ARL17A: variants seen among roughly 807,000 people sequenced by gnomAD.
ARL17A encodes the protein ADP-ribosylation factor-like 17-like.
chr17:46,541,615 C>G (rs573277940), intron 3 of ARL17A, among the ~76,000 whole-genome samples: 1 of 150,794 alleles, frequency 6.6e-6, no homozygotes, highest in Non-Finnish European at 1.5e-5. Context: ...ATCACTACAG[C>G]TGGCCCTCCA....
chr17:46,544,269 G>C (rs149817251), intron 3 of ARL17A, among the ~76,000 whole-genome samples: 1,651 of 8,554 alleles, frequency 0.19, no homozygotes, highest in Middle Eastern at 0.33. Context: ...TCCTTTATAG[G>C]TTTGAAAGAT....
At chr17:46,524,277 CA>C (rs1227402626), downstream of ARL17A, among the ~76,000 whole-genome samples, 1 of 1,412 alleles carries the variant, frequency 7.1e-4, no homozygotes, top group Non-Finnish European at 2.3e-3. Context: ...ACTATAAATA[CA>C]AAAAAAAAAT....
At chr17:46,548,657 G>A (rs1347750023), downstream of ARL17A, 6 of 1,606,094 alleles carry the variant, frequency 3.7e-6, no homozygotes, top group African/African-American at 4.3e-5. Flanking sequence ...GGCCCAAGGA[G>A]CATCCAGAAA....
chr17:46,534,799 G>A lies in ARL17A; in HGVS notation c.335+3552C>T, dbSNP rs1315653395. 2.4e-4 allele frequency among the ~76,000 whole-genome samples: 36 copies of A among 147,676 alleles called. 3 individuals carry two copies. The highest frequency in any genetic ancestry group is 7.9e-4 in the East Asian group (4 of 5,082). ...GGGCAGAGGCGCCCCCCCACCTCCC[G>A]GAGGGGGCGGCTGGCCAGGCGGGGG... On this transcript the variant is annotated intron_variant, in intron 4 of 4. Coordinates refer to the ARL17A transcript ENST00000329240.
downstream of ARL17A, among the ~76,000 whole-genome samples, chr17:46,525,605 A>T (rs1346919921): frequency 3.9e-4 from 46 of 116,734 alleles, 3 homozygotes; most frequent in South Asian, 3.7e-3. Flanking sequence ...ATAATAATAT[A>T]ATAATAATAA....
chr17:46,534,803 G>A (rs1341319018), intron 4 of ARL17A, among the ~76,000 whole-genome samples: 1 of 147,806 alleles, frequency 6.8e-6, no homozygotes, highest in Non-Finnish European at 1.5e-5. Context: ...CCTCCCGGAG[G>A]GGGCGGCTGG....
chr17:46,502,914 T>G, the ARL17A span, among the ~76,000 whole-genome samples: 1 of 150,696 alleles, frequency 6.6e-6, no homozygotes, highest in African/African-American at 2.5e-5. Flanking sequence ...ACTCAACGTT[T>G]AAAAATTAGT....
At chr17:46,545,745 G>A (rs1349344537) in intron 3 of ARL17A, among the ~76,000 whole-genome samples, 2 of 139,216 alleles carry the variant, frequency 1.4e-5, no homozygotes, top group East Asian at 4.1e-4. Context: ...GTAACTTATT[G>A]TTGTTATTCT....
At chr17:46,521,111 T>C (rs1433733068) in intron 3 of ARL17A, among the ~76,000 whole-genome samples, 1 of 76,094 alleles carries the variant, frequency 1.3e-5, no homozygotes, top group African/African-American at 4.0e-5. Flanking sequence ...TCTTCACTAA[T>C]TACAAAATAA....
chr17:46,505,363 A>AT, the ARL17A span, among the ~76,000 whole-genome samples: 2 of 118,204 alleles, frequency 1.7e-5, 1 homozygote, highest in Admixed American at 1.7e-4. Flanking sequence ...GTCTACAGCC[A>AT]TACCACCCTG....
chr17:46,516,114 C>T (rs1366136016), downstream of ARL17A, among the ~76,000 whole-genome samples: 1 of 146,422 alleles, frequency 6.8e-6, no homozygotes, highest in African/African-American at 2.6e-5. Flanking sequence ...TCCTGGCTAA[C>T]ATGGTGAAAC....
At chr17:46,534,638 C>T (rs528820301) in intron 4 of ARL17A, among the ~76,000 whole-genome samples, 16 of 148,614 alleles carry the variant, frequency 1.1e-4, no homozygotes, top group African/African-American at 3.4e-4. Context: ...TGTATCTTTT[C>T]CCCACATTTC....
At chr17:46,558,936 T>C (rs1250967178) in intron 3 of ARL17A, 1 of 104,952 alleles carries the variant, frequency 9.5e-6, no homozygotes, top group Non-Finnish European at 1.8e-5. Context: ...CCTTGGTCTC[T>C]CAACGTACTG....
At chr17:46,573,022 G>A (rs1468341707) in intron 2 of ARL17A, among the ~76,000 whole-genome samples, 2 of 117,516 alleles carry the variant, frequency 1.7e-5, no homozygotes, top group East Asian at 4.8e-4. Context: ...AGGAAGGGAG[G>A]AAAGGAAAAG....
intron 3 of ARL17A, among the ~76,000 whole-genome samples, chr17:46,545,721 A>AT (rs1329849425): frequency 1.6e-5 from 2 of 126,870 alleles, no homozygotes; most frequent in Non-Finnish European, 3.2e-5. Context: ...ATTCTTCTTT[A>AT]TATTAAATAT....
intron 3 of ARL17A, among the ~76,000 whole-genome samples, chr17:46,568,960 T>G (rs2057613567): frequency 1.1e-5 from 1 of 89,444 alleles, no homozygotes; most frequent in South Asian, 3.7e-4. Flanking sequence ...TTTTTTTTTT[T>G]GAGATGGAGT....
chr17:46,543,345 G>A (rs1159970291), intron 3 of ARL17A, among the ~76,000 whole-genome samples: 1 of 150,664 alleles, frequency 6.6e-6, no homozygotes, highest in Non-Finnish European at 1.5e-5. Context: ...CAGTCTCAAA[G>A]ATTTGTCAGT....
At chr17:46,550,854 G>C (rs2056716533), downstream of ARL17A, among the ~76,000 whole-genome samples, 1 of 134,696 alleles carries the variant, frequency 7.4e-6, no homozygotes, top group African/African-American at 3.1e-5. Context: ...TTATTTCCTT[G>C]TTGCTGAAAT....
downstream of ARL17A, chr17:46,550,419 A>C (rs752059933): frequency 1.3e-6 from 1 of 774,150 alleles, no homozygotes; most frequent in South Asian, 2.3e-5. Flanking sequence ...TTTTAGCTCA[A>C]AAAAGAAGTT....
Sources: gnomAD v4.1 joint callset for allele counts (sites outside exome capture counted in the v4.1 genomes callset) on GRCh38, gnomAD v4.1.1 for gene constraint, MANE v1.5 for transcripts, NCBI Gene and HGNC (gene_info 2026-07-23, HGNC 2026-07-21) for gene names.